Variants in IGSF10 observed in about 807,000 individuals in gnomAD.
IGSF10 encodes the protein calvaria mechanical force protein 608.
In IGSF10, 126 loss-of-function variants were observed where a neutral mutation model predicts 128.2. The ratio of observed to expected loss-of-function variants is 0.98; its 90% CI spans 0.85 to 1.14. The LOEUF (loss-of-function observed/expected upper bound fraction) is 1.14, where lower values mean the gene tolerates loss of function less well. Ranked by LOEUF, IGSF10 falls within the 50% of genes most tolerant of loss-of-function variation. The probability of loss-of-function intolerance (pLI) is 0.00; values close to 1 mark genes in which losing one functional copy is unlikely to be tolerated. For synonymous variants in IGSF10, 1,185 were observed against 1,146.2 expected (o/e 1.03, Z -0.68); for missense variants, 3,295 against 3,149.8 (o/e 1.05, Z -1.10).
At chr3:151,496,026 T>C in the IGSF10 span, among the ~76,000 whole-genome samples, 2 of 152,144 alleles carry the variant, frequency 1.3e-5, no homozygotes, top group East Asian at 1.9e-4. Flanking sequence ...TCATGTTCTA[T>C]ACAGTGCCAT....
chr3:151,509,338 T>C, the IGSF10 span, among the ~76,000 whole-genome samples: 1 of 152,350 alleles, frequency 6.6e-6, no homozygotes, highest in East Asian at 1.9e-4. Context: ...AAATTACCTA[T>C]GATAACCCAT....
chr3:151,600,041 G>A, the IGSF10 span, among the ~76,000 whole-genome samples: 1 of 152,162 alleles, frequency 6.6e-6, no homozygotes, highest in African/African-American at 2.4e-5. Flanking sequence ...TAAGTTGTCT[G>A]TATCATTTTC....
the IGSF10 span, among the ~76,000 whole-genome samples, chr3:151,501,537 CTAAGTGTTAGAGTAT>C: frequency 1.3e-5 from 2 of 152,020 alleles, no homozygotes; most frequent in African/African-American, 4.8e-5. Context: ...TGGATTCCTT[CTAAGTGTTAGAGTAT>C]TTCTCAAACT....
intron 4 of IGSF10, among the ~76,000 whole-genome samples, chr3:151,454,390 A>G (rs1294120478): frequency 1.3e-5 from 2 of 152,140 alleles, no homozygotes; most frequent in African/African-American, 4.8e-5. Context: ...TAATTTTGAG[A>G]TATATAGAAG....
chr3:151,437,636 C>G lies in IGSF10; in HGVS notation c.6925G>C (p.Ala2309Pro). 1 of 1,614,234 alleles carries G rather than the reference C, an allele frequency of 6.2e-7. No individual in the cohort carries two copies. Among genetic ancestry groups the G allele is most frequent in the Non-Finnish European group, 8.5e-7 (1 of 1,180,048 alleles). Residue 2309 changes from alanine (A) to proline (P), a missense_variant, in exon 8 of 8, where the codon GCC becomes CCC. Transcript: ENST00000282466. ...TTTCGGGCCACACAGATAAAGTCGGCTGAATCTGAAAGCCTCACATTCCTA... is the reference window on the plus strand; with the variant it reads ...TTTCGGGCCACACAGATAAAGTCGGGTGAATCTGAAAGCCTCACATTCCTA... ...EIRNVRLSDSADFICVARNEG... is the reference protein window; with the variant it reads ...EIRNVRLSDSPDFICVARNEG...
the IGSF10 span, among the ~76,000 whole-genome samples, chr3:151,527,793 T>G: frequency 1.3e-5 from 2 of 151,794 alleles, no homozygotes; most frequent in African/African-American, 4.8e-5. Flanking sequence ...CTACAATTTT[T>G]TTTTTTTTAA....
downstream of IGSF10, chr3:151,435,725 A>G (rs1371804159): frequency 1.3e-5 from 2 of 152,164 alleles, no homozygotes; most frequent in Non-Finnish European, 2.9e-5. Flanking sequence ...ATATTCCCCA[A>G]ATTAATTCAG....
Position 151,443,822 on chromosome 3 carries a change from A to C in IGSF10, c.5125T>G (p.Ser1709Ala). 1.2e-6 allele frequency: 2 copies of C among 1,614,140 alleles called. No homozygotes were observed. The highest frequency in any genetic ancestry group is 1.7e-6 in the Non-Finnish European group (2 of 1,179,998). The change falls in exon 7 of 8, where the codon TCC (serine) becomes GCC (alanine). Residue 1709 changes from serine to alanine, a missense_variant. Physicochemically the swap from Ser to Ala is moderately conservative, Grantham distance 99 (BLOSUM62 1). Transcript: ENST00000282466. ...RVQVLPNGTL[S>A]IQRVEIQDRG... ...TCCTGAATTTCCACCCTCTGGATGG[A>C]CAGGGTACCATTGGGGAGAACCTGG... is the stretch of plus-strand genomic sequence containing the variant.
chr3:151,594,424 C>T, the IGSF10 span, among the ~76,000 whole-genome samples: 910 of 151,166 alleles, frequency 6.0e-3, 6 homozygotes, highest in African/African-American at 0.021. Context: ...AGCTCCGCCT[C>T]CCGGGTTCAC....
chr3:151,606,355 G>C, the IGSF10 span, among the ~76,000 whole-genome samples: 1 of 152,076 alleles, frequency 6.6e-6, no homozygotes, highest in Non-Finnish European at 1.5e-5. Context: ...TAAGCTTTTC[G>C]TTATGCAAAT....
At chr3:151,611,446 A>G in the IGSF10 span, among the ~76,000 whole-genome samples, 1 of 152,188 alleles carries the variant, frequency 6.6e-6, no homozygotes, top group East Asian at 1.9e-4. Flanking sequence ...CAGTATCTTG[A>G]TTCATTGACC....
chr3:151,562,098 A>G, the IGSF10 span, among the ~76,000 whole-genome samples: 2,328 of 152,232 alleles, frequency 0.015, 59 homozygotes, highest in African/African-American at 0.053. Flanking sequence ...AGAGATAGGA[A>G]GTTAGCACAA....
chr3:151,559,537 T>C, the IGSF10 span, among the ~76,000 whole-genome samples: 1 of 152,224 alleles, frequency 6.6e-6, no homozygotes, highest in Non-Finnish European at 1.5e-5. Context: ...TTTGGTTGTA[T>C]TGATAATTTT....
Position 151,457,046 on chromosome 3 carries a change from A to C in IGSF10, c.304T>G (p.Ser102Ala). ...GIHTIPDKTF[S>A]DLQALQVLKM... Reference sequence around the variant, plus strand: ...CTCACCTGCAAGGCCTGCAAATCTGAGAAGGTCTTGTCAGGGATTGTGTGA... The same window carrying C: ...CTCACCTGCAAGGCCTGCAAATCTGCGAAGGTCTTGTCAGGGATTGTGTGA... The change falls in exon 4 of 8, where the codon TCA (serine) becomes GCA (alanine). Residue 102 changes from serine (S) to alanine (A), a missense_variant. By Grantham distance (99) the Ser-to-Ala change is moderately conservative. Transcript: ENST00000282466. The C allele has an allele frequency of 6.2e-7, 1 of 1,614,168 alleles. No individual in the cohort carries two copies. Among genetic ancestry groups the C allele is most frequent in the Non-Finnish European group, 8.5e-7 (1 of 1,180,022 alleles).
chr3:151,517,956 G>A, the IGSF10 span, among the ~76,000 whole-genome samples: 1 of 151,928 alleles, frequency 6.6e-6, no homozygotes, highest in South Asian at 2.1e-4. Flanking sequence ...GAACCCCAGA[G>A]TTCTGTTATT....
chr3:151,565,450 T>C, the IGSF10 span, among the ~76,000 whole-genome samples: 1 of 152,156 alleles, frequency 6.6e-6, no homozygotes, highest in Admixed American at 6.6e-5. Context: ...ACTGGCATCC[T>C]GGGAGCTCCT....
chr3:151,434,202 T>C (rs1341758646), downstream of IGSF10: 2 of 152,242 alleles, frequency 1.3e-5, no homozygotes, highest in African/African-American at 2.4e-5. Context: ...TTGTCTATAA[T>C]GAGCAGACCA....
chr3:151,595,897 A>G, the IGSF10 span, among the ~76,000 whole-genome samples: 1 of 152,144 alleles, frequency 6.6e-6, no homozygotes, highest in South Asian at 2.1e-4. Context: ...CATGAGGAAT[A>G]CAGTTAATAA....
the IGSF10 span, among the ~76,000 whole-genome samples, chr3:151,607,952 C>T: frequency 6.9e-6 from 1 of 145,784 alleles, no homozygotes; most frequent in East Asian, 2.0e-4. Context: ...TGGGAACATG[C>T]TAGTAAAAGT....
Sources: gnomAD v4.1 joint callset for allele counts (sites outside exome capture counted in the v4.1 genomes callset) on GRCh38, gnomAD v4.1.1 for gene constraint, MANE v1.5 for transcripts, NCBI Gene and HGNC (gene_info 2026-07-23, HGNC 2026-07-21) for gene names.